Variants in KIF26B observed in about 807,000 individuals in gnomAD.
KIF26B encodes the protein kinesin-like protein KIF26B.
Under a neutral mutation model 151.2 loss-of-function variants are expected in KIF26B, and 63 were observed. The observed-to-expected ratio is 0.42, with a 90% CI of 0.34 to 0.51. KIF26B has a LOEUF of 0.51. Ranked by LOEUF, KIF26B falls within the 20% of genes least tolerant of loss-of-function variation. KIF26B has a pLI of 0.07. For synonymous variants in KIF26B, 1,357 were observed against 1,262.1 expected, an observed-to-expected ratio of 1.08 and a Z score of -1.59; for missense variants, 2,813 against 2,913.6, an observed-to-expected ratio of 0.97 and a Z score of 0.79.
At chr1:245,388,449 G>C (rs1184245757) in intron 3 of KIF26B, among the ~76,000 whole-genome samples, 1 of 152,198 alleles carries the variant, frequency 6.6e-6, no homozygotes, top group East Asian at 1.9e-4. Context: ...TCCCAGTCCT[G>C]ATTGGGCCAG....
chr1:245,465,523 G>C (rs1464161702), intron 4 of KIF26B, among the ~76,000 whole-genome samples: 2 of 152,192 alleles, frequency 1.3e-5, no homozygotes, highest in African/African-American at 2.4e-5. Context: ...CACGGAGAAA[G>C]TATCTTTCCG....
At chr1:245,453,241 T>C (rs1659437746) in intron 4 of KIF26B, among the ~76,000 whole-genome samples, 1 of 152,116 alleles carries the variant, frequency 6.6e-6, no homozygotes, top group South Asian at 2.1e-4. Context: ...TCTCCCTGAA[T>C]TACCTTGGAC....
intron 4 of KIF26B, among the ~76,000 whole-genome samples, chr1:245,513,009 C>T (rs1184418734): frequency 6.6e-6 from 1 of 152,154 alleles, no homozygotes; most frequent in East Asian, 1.9e-4. Context: ...TTAGGGGAGA[C>T]AGACAGTCTT....
intron 2 of KIF26B, among the ~76,000 whole-genome samples, chr1:245,327,419 A>C (rs1468922400): frequency 2.0e-5 from 3 of 152,156 alleles, no homozygotes; most frequent in African/African-American, 7.2e-5. Context: ...AGACTGCTCG[A>C]GTTGTTTTTC....
chr1:245,585,321 G>T (rs1055859871), intron 5 of KIF26B, among the ~76,000 whole-genome samples: 1 of 152,236 alleles, frequency 6.6e-6, no homozygotes, highest in African/African-American at 2.4e-5. Context: ...ACAAAAACGT[G>T]TCTAGGGAGT....
intron 3 of KIF26B, among the ~76,000 whole-genome samples, chr1:245,413,523 C>T (rs1167421595): frequency 2.6e-5 from 4 of 152,012 alleles, no homozygotes; most frequent in Non-Finnish European, 1.5e-5. Context: ...ATTAGCTGGG[C>T]ATGGTGGCGT....
rs2044230354 is a variant in KIF26B at position 245,667,480 on chromosome 1, G to C, written c.2259-16753G>C. On this transcript the variant is annotated intron_variant, in intron 10 of 14. Coordinates refer to ENST00000407071, the MANE Select transcript of KIF26B (RefSeq NM_018012.4). The surrounding 1 kb of genome is among the most constrained non-coding windows in gnomAD (Gnocchi z 4.3). ...AGGCGTGAGCCACCGTGCCTGGCCT[G>C]CTTTGGTTTTATTCTGACTGTGGCT... Among the ~76,000 whole-genome samples, 1 of 151,974 alleles carries C rather than the reference G, an allele frequency of 6.6e-6. No individual in the cohort carries two copies. The highest frequency in any genetic ancestry group is 1.5e-5 in the Non-Finnish European group (1 of 67,968).
At position 245,496,057 on chromosome 1, in the gene KIF26B, G is replaced by T. The variant is rs1005613884; in HGVS notation, c.1167-44710G>T. 2.1e-4 allele frequency among the ~76,000 whole-genome samples: 32 copies of T among 152,088 alleles called. 1 individual carries two copies. Among genetic ancestry groups the T allele is most frequent in the African/African-American group, 7.7e-4 (32 of 41,418 alleles). On this transcript the variant is annotated intron_variant, in intron 4 of 14. Transcript: ENST00000407071. ...CATCATCAGTAGACCAACACTAAAA[G>T]AAATACTAAAAGGAAGTATACGGAT...
intron 9 of KIF26B, among the ~76,000 whole-genome samples, chr1:245,625,388 T>G (rs1248273276): frequency 6.6e-6 from 1 of 152,212 alleles, no homozygotes; most frequent in Non-Finnish European, 1.5e-5. Flanking sequence ...CTCTTCACAG[T>G]ATTGAGTGTT....
chr1:245,252,316 C>T (rs1482430329), intron 2 of KIF26B, among the ~76,000 whole-genome samples: 1 of 151,256 alleles, frequency 6.6e-6, no homozygotes, highest in Non-Finnish European at 1.5e-5. Flanking sequence ...TTGGTTTTCC[C>T]ATATATGAAC....
rs12080858 is a variant in KIF26B, at chr1:245,488,088, A to G, written c.1167-52679A>G. ...CAGGCATGAGCTGCCACGCCCGGCC[A>G]TGTATCTTTTTAAGTACAGGTGGAG... On this transcript the variant is annotated intron_variant, in intron 4 of 14. Transcript: ENST00000407071. The surrounding 1 kb of genome is among the most constrained non-coding windows in gnomAD (Gnocchi z 4.6). 0.34 allele frequency among the ~76,000 whole-genome samples: 52,296 copies of G among 151,844 alleles called. 10,447 individuals are homozygous for G. The highest frequency in any genetic ancestry group is 0.49 in the Middle Eastern group (144 of 292).
At chr1:245,620,697 C>T (rs945450452) in intron 9 of KIF26B, among the ~76,000 whole-genome samples, 4 of 152,142 alleles carry the variant, frequency 2.6e-5, no homozygotes, top group African/African-American at 9.7e-5. Context: ...CCATGGTACC[C>T]GTCCAAAAAA....
chr1:245,315,669 C>T (rs1671754932), intron 2 of KIF26B, among the ~76,000 whole-genome samples: 1 of 150,640 alleles, frequency 6.6e-6, no homozygotes. Context: ...TTGCAGTGAG[C>T]CAAGATTGCA....
chr1:245,668,044 C>T lies in KIF26B; in HGVS notation c.2259-16189C>T, dbSNP rs376752476. Among the ~76,000 whole-genome samples the T allele has an allele frequency of 2.4e-4, 37 of 152,260 alleles. No individual in the cohort carries two copies. The East Asian group carries it at 3.7e-3, about 15-fold the overall frequency. Reference sequence around the variant, plus strand: ...CCAGGTAACTGGGATTACAGGCACACGCCACCACGCTTGGCTAATTTTTGT... The same window carrying T: ...CCAGGTAACTGGGATTACAGGCACATGCCACCACGCTTGGCTAATTTTTGT... On this transcript the variant is annotated intron_variant, in intron 10 of 14. Coordinates refer to ENST00000407071, the MANE Select transcript of KIF26B (RefSeq NM_018012.4).
chr1:245,466,177 C>G (rs1306752763), intron 4 of KIF26B, among the ~76,000 whole-genome samples: 2 of 102,600 alleles, frequency 1.9e-5, no homozygotes, highest in Non-Finnish European at 4.0e-5. Context: ...TGATTTAGAT[C>G]GATGGGAATG....
chr1:245,684,239 C>T lies in KIF26B; in HGVS notation c.2265C>T (p.Ser755=), dbSNP rs758548298. 6.2e-7 allele frequency: 1 copy of T among 1,612,798 alleles called. No homozygotes were observed. Among genetic ancestry groups the T allele is most frequent in the South Asian group, 1.1e-5 (1 of 91,004 alleles). Residue 755 remains serine (S), a synonymous_variant, in exon 11 of 15, where the codon AGC becomes AGT. Coordinates refer to ENST00000407071, the MANE Select transcript of KIF26B (RefSeq NM_018012.4). ...AATTCACTTTGTTTGGCAGAGAGAGCAAGCTCGCCATGTTGCTGCGGGAGT... is the reference window on the plus strand; with the variant it reads ...AATTCACTTTGTTTGGCAGAGAGAGTAAGCTCGCCATGTTGCTGCGGGAGT... ...NGSKHIPYKE[S]KLAMLLRESL...
At chr1:245,412,791 G>A (rs890686743) in intron 3 of KIF26B, among the ~76,000 whole-genome samples, 3 of 152,166 alleles carry the variant, frequency 2.0e-5, no homozygotes, top group Non-Finnish European at 2.9e-5. Context: ...AGAAGGAGAA[G>A]CTTTATTTCG....
intron 2 of KIF26B, among the ~76,000 whole-genome samples, chr1:245,321,978 C>T (rs1200568142): frequency 6.6e-6 from 1 of 152,130 alleles, no homozygotes; most frequent in African/African-American, 2.4e-5. Flanking sequence ...ACCCAAATGC[C>T]CATCAATGAT....
chr1:245,480,460 A>T (rs182496020), intron 4 of KIF26B, among the ~76,000 whole-genome samples: 2 of 151,822 alleles, frequency 1.3e-5, no homozygotes, highest in East Asian at 3.9e-4. Flanking sequence ...CATGATTCTC[A>T]GCAGATTTCC....
Sources: gnomAD v4.1 joint callset for allele counts (sites outside exome capture counted in the v4.1 genomes callset) on GRCh38, gnomAD v4.1.1 for gene constraint, Gnocchi (gnomAD v3.1) non-coding constraint, MANE v1.5 for transcripts, NCBI Gene and HGNC (gene_info 2026-07-23, HGNC 2026-07-21) for gene names.